Variants in ESF1 observed in about 807,000 individuals in gnomAD.
ESF1 encodes ESF1 nucleolar pre-rRNA processing protein.
A neutral mutation model predicts 92.0 loss-of-function variants in ESF1; 58 were observed. The ratio of observed to expected loss-of-function variants is 0.63; its 90% CI spans 0.51 to 0.78. ESF1 has a LOEUF of 0.78. ESF1 is among the 30% of genes least tolerant of loss of function. The pLI, the probability that ESF1 is intolerant of heterozygous loss-of-function variation, is 0.00. For missense variants in ESF1, 922 were observed against 989.1 expected, an observed-to-expected ratio of 0.93 and a Z score of 0.91; for synonymous variants, 321 against 313.7, an observed-to-expected ratio of 1.02 and a Z score of -0.24.
intron 9 of ESF1, among the ~76,000 whole-genome samples, chr20:13,748,469 CAT>C (rs534050813): frequency 1.4e-5 from 1 of 70,346 alleles, no homozygotes; most frequent in Admixed American, 1.4e-4. Flanking sequence ...CATATATACA[CAT>C]ATATACACAT....
chr20:13,752,682 A>T (rs775655783), intron 9 of ESF1, among the ~76,000 whole-genome samples: 11 of 152,214 alleles, frequency 7.2e-5, no homozygotes, highest in South Asian at 2.1e-4. Flanking sequence ...TGAATAATAC[A>T]ATGGCCACAT....
intron 10 of ESF1, among the ~76,000 whole-genome samples, chr20:13,733,195 G>A (rs923416475): frequency 2.0e-5 from 3 of 151,954 alleles, no homozygotes; most frequent in African/African-American, 4.8e-5. Context: ...CAAAGTGCAC[G>A]GATTACAGGC....
chr20:13,768,040 G>C (rs1979507222), intron 7 of ESF1, among the ~76,000 whole-genome samples: 1 of 152,212 alleles, frequency 6.6e-6, no homozygotes, highest in African/African-American at 2.4e-5. Context: ...TGGCTGGACA[G>C]GCTGGCCCTG....
chr20:13,716,141 T>A (rs758461578), intron 13 of ESF1, among the ~76,000 whole-genome samples: 32 of 152,184 alleles, frequency 2.1e-4, no homozygotes, highest in Non-Finnish European at 4.1e-4. Context: ...TGAACAAATT[T>A]AAAATTTCCC....
intron 9 of ESF1, among the ~76,000 whole-genome samples, chr20:13,749,232 A>ATTTTTTTTTTTTTTTTTTTTTTTTT: frequency 1.1e-5 from 1 of 89,664 alleles, no homozygotes; most frequent in Non-Finnish European, 2.1e-5. Flanking sequence ...TGCCCGGCTA[A>ATTTTTTTTTTTTTTTTTTTTTTTTT]TTTTTTTTTT....
intron 9 of ESF1, among the ~76,000 whole-genome samples, chr20:13,750,944 G>A (rs1274962066): frequency 6.6e-6 from 1 of 152,190 alleles, no homozygotes; most frequent in Non-Finnish European, 1.5e-5. Flanking sequence ...ATTTCAGCCT[G>A]GGCAACAGAA....
At chr20:13,758,544 T>C (rs1287207459) in intron 9 of ESF1, among the ~76,000 whole-genome samples, 4 of 152,200 alleles carry the variant, frequency 2.6e-5, no homozygotes, top group African/African-American at 9.6e-5. Context: ...CCTATTTTTT[T>C]CCCAAATAAA....
chr20:13,778,432 C>T (rs1980038694), intron 2 of ESF1, among the ~76,000 whole-genome samples: 1 of 149,392 alleles, frequency 6.7e-6, no homozygotes, highest in African/African-American at 2.5e-5. Flanking sequence ...AACTGTCAGT[C>T]ATTATACCAT....
At chr20:13,759,957 A>AT (rs1979084639) in intron 8 of ESF1, 104 bp from the exon 9 acceptor site, 5 of 1,420,554 alleles carry the variant, frequency 3.5e-6, no homozygotes, top group Middle Eastern at 3.8e-4. Flanking sequence ...AGACCACAGG[A>AT]TATCAAAATC....
intron 13 of ESF1, among the ~76,000 whole-genome samples, chr20:13,715,701 C>T (rs1045145641): frequency 1.3e-5 from 2 of 152,204 alleles, no homozygotes; most frequent in Admixed American, 1.3e-4. Flanking sequence ...AAGGTCTGGT[C>T]AGACACAAGC....
At position 13,775,178 on chromosome 20, in the gene ESF1, T is replaced by C; in HGVS notation, c.1128A>G (p.Gly376=). The change falls in exon 4 of 14, where the codon GGA becomes GGG. Residue 376 remains glycine, a synonymous_variant. Transcript: ENST00000617257. ...TCACCTTGACGGAAAATATTACACC[T>C]CCTTTGGGTTTAAATGAATTGAACA... ...LALFNSFKPK[G]GVIFSVKIYP... The C allele has an allele frequency of 6.2e-7, 1 of 1,603,974 alleles. No individual in the cohort carries two copies. Among genetic ancestry groups the C allele is most frequent in the Non-Finnish European group, 8.5e-7 (1 of 1,176,424 alleles).
chr20:13,733,708 T>G lies in ESF1; in HGVS notation c.1950+13A>C. On this transcript the variant is annotated intron_variant, in intron 10 of 13. Coordinates refer to ENST00000617257, the MANE Select transcript of ESF1 (RefSeq NM_001276380.2). ...GTATTCAACAAACATTTGGTCATAATTATCAATGATACCTTCTGTTTCCTT... is the reference window on the plus strand; with the variant it reads ...GTATTCAACAAACATTTGGTCATAAGTATCAATGATACCTTCTGTTTCCTT... 6.2e-7 allele frequency: 1 copy of G among 1,608,460 alleles called. No individual in the cohort carries two copies. The highest frequency in any genetic ancestry group is 8.5e-7 in the Non-Finnish European group (1 of 1,178,274).
chr20:13,738,336 CAG>C (rs2049989388), intron 9 of ESF1, among the ~76,000 whole-genome samples: 1 of 141,182 alleles, frequency 7.1e-6, no homozygotes, highest in Admixed American at 7.3e-5. Flanking sequence ...TTTTTTGAGA[CAG>C]GGTCTTGCTG....
intron 8 of ESF1, chr20:13,762,854 G>GTCT (rs760433895): frequency 5.8e-6 from 1 of 171,736 alleles, no homozygotes; most frequent in Non-Finnish European, 1.0e-5. Context: ...ATTTATTAAA[G>GTCT]TTTTTTTTTT....
At chr20:13,775,035 G>A (rs1301442632) in intron 4 of ESF1, 122 bp downstream of exon 4, 1 of 615,798 alleles carries the variant, frequency 1.6e-6, no homozygotes, top group Non-Finnish European at 2.8e-6. Context: ...ACACTCAATT[G>A]GATTGGACAA....
At chr20:13,769,591 GC>G (rs1233355078) in intron 7 of ESF1, among the ~76,000 whole-genome samples, 16 of 152,160 alleles carry the variant, frequency 1.1e-4, no homozygotes, top group Admixed American at 6.5e-4. Context: ...TTCAAGACCA[GC>G]CTGGTCAACA....
chr20:13,749,721 A>G lies in ESF1; in HGVS notation c.1828+9971T>C, dbSNP rs535206866. On this transcript the variant is annotated intron_variant, in intron 9 of 13. Transcript: ENST00000617257. Reference sequence around the variant, plus strand: ...GCTCGGACTACAGGCACGAGCCACCATGCCTGGCTAATTTTTTGTATTTTT... The same window carrying G: ...GCTCGGACTACAGGCACGAGCCACCGTGCCTGGCTAATTTTTTGTATTTTT... 4.4e-3 allele frequency among the ~76,000 whole-genome samples: 666 copies of G among 152,070 alleles called. 2 individuals carry two copies. Among genetic ancestry groups the G allele is most frequent in the South Asian group, 0.015 (73 of 4,800 alleles).
At chr20:13,717,205 G>A (rs1286002058) in intron 13 of ESF1, among the ~76,000 whole-genome samples, 163 bp downstream of exon 13, 1 of 151,952 alleles carries the variant, frequency 6.6e-6, no homozygotes, top group African/African-American at 2.4e-5. Flanking sequence ...TGATCCTCAT[G>A]CCTCGGCCTC....
chr20:13,738,311 C>T (rs571556643), intron 9 of ESF1, among the ~76,000 whole-genome samples: 1 of 102,522 alleles, frequency 9.8e-6, no homozygotes, highest in African/African-American at 3.6e-5. Flanking sequence ...ATCCCTCTCT[C>T]CTAAACTTTT....
Sources: gnomAD v4.1 joint callset for allele counts (sites outside exome capture counted in the v4.1 genomes callset) on GRCh38, gnomAD v4.1.1 for gene constraint, MANE v1.5 for transcripts, NCBI Gene and HGNC (gene_info 2026-07-23, HGNC 2026-07-21) for gene names.